The following PLEKHB2 variants were observed in gnomAD, a reference collection of about 807,000 sequenced individuals.
PLEKHB2 encodes the protein pleckstrin homology domain-containing family B member 2.
A neutral mutation model predicts 36.5 loss-of-function variants in PLEKHB2; 31 were observed. The ratio of observed to expected loss-of-function variants is 0.85; its 90% CI spans 0.64 to 1.15. PLEKHB2 has a LOEUF of 1.15. Ranked by LOEUF, PLEKHB2 falls within the 50% of genes most tolerant of loss-of-function variation. The pLI is 0.00. For missense variants in PLEKHB2, 262 were observed against 295.3 expected (o/e 0.89, Z 0.83); for synonymous variants, 119 against 112.0 (o/e 1.06, Z -0.39).
At position 131,113,421 on chromosome 2, in the gene PLEKHB2, A is replaced by C. The variant is rs144214434; in HGVS notation, c.-8-7513A>C. ...TTGGTATGTGGGGAGAAACCCTCAC[A>C]CATTTGGTCACAGAAGTCTTCTATG... On this transcript the variant is annotated intron_variant, in intron 1 of 7. Coordinates refer to ENST00000693505, the MANE Select transcript of PLEKHB2 (RefSeq NM_001100623.2). Among the ~76,000 whole-genome samples the C allele has an allele frequency of 3.3e-3, 503 of 152,330 alleles. 3 individuals are homozygous for C. The highest frequency in any genetic ancestry group is 0.011 in the African/African-American group (468 of 41,574).
Position 131,126,765 on chromosome 2 carries a change from C to A in PLEKHB2, c.272C>A (p.Ala91Glu). The A allele has an allele frequency of 6.3e-7, 1 of 1,592,408 alleles. No individual in the cohort carries two copies. The highest frequency in any genetic ancestry group is 8.6e-7 in the Non-Finnish European group (1 of 1,160,264). The change falls in exon 4 of 8, where the codon GCA (alanine) becomes GAA (glutamate). Residue 91 changes from alanine to glutamate, a missense_variant. Transcript: ENST00000693505. ...CRDGKTISLC[A>E]ESTDDCLAWK... ...GATGGGAAAACAATTAGTCTTTGTG[C>A]AGAAAGCACAGATGATTGCTTGTAA...
intron 2 of PLEKHB2, 52 bp from the exon 3 acceptor site, chr2:131,125,701 G>A: frequency 6.7e-7 from 1 of 1,483,634 alleles, no homozygotes; most frequent in Admixed American, 2.0e-5. Context: ...GGGCGAAATA[G>A]TAAGACTGTC....
At chr2:131,109,703 C>CA (rs539488253) in intron 1 of PLEKHB2, among the ~76,000 whole-genome samples, 12 of 150,842 alleles carry the variant, frequency 8.0e-5, no homozygotes, top group South Asian at 6.3e-4. Flanking sequence ...AACAAACAAA[C>CA]AAAAAAAACA....
intron 6 of PLEKHB2, 125 bp from the exon 7 acceptor site, chr2:131,140,042 T>G (rs1698626529): frequency 1.6e-6 from 1 of 612,372 alleles, no homozygotes; most frequent in Non-Finnish European, 2.9e-6. Flanking sequence ...CCACACTGTT[T>G]CATGTTTTGT....
intron 2 of PLEKHB2, among the ~76,000 whole-genome samples, chr2:131,123,457 G>A (rs1394047699): frequency 1.3e-5 from 2 of 152,184 alleles, no homozygotes; most frequent in African/African-American, 4.8e-5. Context: ...TGGCAGGTGA[G>A]ATACTTGGGC....
intron 1 of PLEKHB2, among the ~76,000 whole-genome samples, chr2:131,116,849 G>C (rs1407199170): frequency 1.3e-5 from 2 of 152,314 alleles, no homozygotes; most frequent in African/African-American, 4.8e-5. Context: ...TTATCGGCCA[G>C]GCACAGTGGC....
intron 1 of PLEKHB2, among the ~76,000 whole-genome samples, chr2:131,118,701 T>C (rs918960856): frequency 6.6e-6 from 1 of 150,900 alleles, no homozygotes; most frequent in Admixed American, 6.6e-5. Context: ...CCGTCTTTAC[T>C]GAAAATACAA....
At chr2:131,120,639 A>C in intron 1 of PLEKHB2, 1 of 465,596 alleles carries the variant, frequency 2.1e-6, no homozygotes, top group Non-Finnish European at 4.0e-6. Flanking sequence ...TCCTTGACAG[A>C]GCTAAATCCT....
chr2:131,115,343 T>C (rs80293172), intron 1 of PLEKHB2, among the ~76,000 whole-genome samples: 1 of 70,372 alleles, frequency 1.4e-5, no homozygotes, highest in African/African-American at 2.0e-4. Flanking sequence ...AAGTATGTCT[T>C]TTTTTTTTTT....
chr2:131,137,196 C>G (rs1250839050), intron 6 of PLEKHB2, among the ~76,000 whole-genome samples: 1 of 149,074 alleles, frequency 6.7e-6, no homozygotes, highest in Non-Finnish European at 1.5e-5. Context: ...ATCTGCCCGC[C>G]TCGGCCTCCC....
Position 131,146,654 on chromosome 2 carries a change from C to T in PLEKHB2, c.550C>T (p.Pro184Ser), listed in dbSNP as rs1429371650. 1 of 1,612,732 alleles carries T rather than the reference C, an allele frequency of 6.2e-7. No homozygotes were observed. Residue 184 changes from proline to serine, a missense_variant, in exon 8 of 8, where the codon CCT becomes TCT. Coordinates refer to ENST00000693505, the MANE Select transcript of PLEKHB2 (RefSeq NM_001100623.2). ...YPYAGLYGQQ[P>S]ANQVIIRERY... is the part of the protein sequence containing the mutation. The stretch of plus-strand genomic sequence containing the variant: ...TCTTTTAGGACTTTATGGACAGCAG[C>T]CTGCTAACCAAGTCATCATTCGAGA...
At chr2:131,137,403 T>C (rs1308837029) in intron 6 of PLEKHB2, among the ~76,000 whole-genome samples, 1 of 152,236 alleles carries the variant, frequency 6.6e-6, no homozygotes, top group Non-Finnish European at 1.5e-5. Flanking sequence ...ACATGACCTT[T>C]CTTCTGGGTC....
chr2:131,146,958 T>TC lies in PLEKHB2; in HGVS notation c.*185_*186insC. ...AGAGAAGGGTTTGAACTGTGCTATT[T>TC]TGTTCAAATGTTGACTCTCCGGGGG... is the stretch of plus-strand genomic sequence containing the variant. On this transcript the variant is annotated 3_prime_UTR_variant, in exon 8 of 8. Coordinates refer to ENST00000693505, the MANE Select transcript of PLEKHB2 (RefSeq NM_001100623.2). 1 of 482,922 alleles carries TC rather than the reference T, an allele frequency of 2.1e-6. No individual in the cohort carries two copies. Among genetic ancestry groups the TC allele is most frequent in the Non-Finnish European group, 3.5e-6 (1 of 283,660 alleles). The allele number at this position is 482,922 out of a possible 1,614,324, so 29.9% of individuals were successfully genotyped here. A position where few individuals can be genotyped will look rare whatever the true frequency, so the allele number is the denominator to read the frequency against.
intron 1 of PLEKHB2, among the ~76,000 whole-genome samples, chr2:131,114,274 C>T (rs927748049): frequency 4.6e-5 from 7 of 152,026 alleles, no homozygotes; most frequent in East Asian, 1.9e-4. Flanking sequence ...TACAGGCGCC[C>T]GCCCCCACGC....
intron 1 of PLEKHB2, among the ~76,000 whole-genome samples, chr2:131,109,196 TC>T (rs2104763528): frequency 6.6e-6 from 1 of 152,240 alleles, no homozygotes; most frequent in Non-Finnish European, 1.5e-5. Context: ...GTGATCAAAA[TC>T]ATACTTCATG....
At chr2:131,135,664 C>T (rs1442763435) in intron 6 of PLEKHB2, among the ~76,000 whole-genome samples, 1 of 151,824 alleles carries the variant, frequency 6.6e-6, no homozygotes. Flanking sequence ...AGTGCAGTGG[C>T]GAGATCTCGG....
chr2:131,110,107 TCCG>T (rs1241843356), intron 1 of PLEKHB2, among the ~76,000 whole-genome samples: 1 of 151,340 alleles, frequency 6.6e-6, no homozygotes, highest in African/African-American at 2.4e-5. Context: ...AGAGTGAGAC[TCCG>T]TCTCAAAAAA....
intron 7 of PLEKHB2, among the ~76,000 whole-genome samples, chr2:131,143,667 G>A (rs1373119402): frequency 6.6e-6 from 1 of 152,146 alleles, no homozygotes; most frequent in Non-Finnish European, 1.5e-5. Context: ...GGTCTCAAGT[G>A]GAATCATCGA....
At chr2:131,146,232 GT>G (rs1347635377) in intron 7 of PLEKHB2, among the ~76,000 whole-genome samples, 3 of 152,040 alleles carry the variant, frequency 2.0e-5, no homozygotes, top group African/African-American at 7.2e-5. Flanking sequence ...TTAAAAATTG[GT>G]TTGCGTGCAT....
Sources: allele counts gnomAD v4.1 joint callset (sites outside exome capture counted in the v4.1 genomes callset), GRCh38; gene constraint gnomAD v4.1.1; transcripts MANE v1.5; gene names NCBI Gene and HGNC (gene_info 2026-07-23, HGNC 2026-07-21).